ENTREP2: variants seen among roughly 807,000 people sequenced by gnomAD.
The protein encoded by ENTREP2 is endosomal transmembrane epsin interactor 2.
the ENTREP2 span, among the ~76,000 whole-genome samples, chr15:29,644,706 G>A: frequency 2.0e-5 from 3 of 151,870 alleles, no homozygotes; most frequent in Non-Finnish European, 4.4e-5. Flanking sequence ...GGGAAGCTGA[G>A]GTAGGAGAAT....
chr15:29,145,632 A>AC, the ENTREP2 span, among the ~76,000 whole-genome samples: 3 of 150,762 alleles, frequency 2.0e-5, no homozygotes, highest in Non-Finnish European at 4.4e-5. Context: ...CAAAAAAAAA[A>AC]AAAAAAAAAA....
At chr15:29,231,700 C>A in the ENTREP2 span, among the ~76,000 whole-genome samples, 1 of 151,860 alleles carries the variant, frequency 6.6e-6, no homozygotes, top group African/African-American at 2.4e-5. Flanking sequence ...ATTGTTAATA[C>A]CTCTATAATA....
the ENTREP2 span, among the ~76,000 whole-genome samples, chr15:29,568,518 C>T: frequency 3.3e-5 from 5 of 151,146 alleles, no homozygotes; most frequent in African/African-American, 7.3e-5. Context: ...GGCAACATAA[C>T]GAGACCCCAT....
the ENTREP2 span, among the ~76,000 whole-genome samples, chr15:29,336,519 C>T: frequency 6.6e-6 from 1 of 152,130 alleles, no homozygotes; most frequent in African/African-American, 2.4e-5. Flanking sequence ...CTATGTTGCC[C>T]AGGCTGGCCT....
At chr15:29,660,530 G>C in the ENTREP2 span, among the ~76,000 whole-genome samples, 2 of 152,128 alleles carry the variant, frequency 1.3e-5, no homozygotes, top group Admixed American at 1.3e-4. Context: ...GCACAAAATT[G>C]ACTAAGACAT....
At chr15:29,672,494 A>G in the ENTREP2 span, among the ~76,000 whole-genome samples, 1 of 152,206 alleles carries the variant, frequency 6.6e-6, no homozygotes, top group African/African-American at 2.4e-5. Context: ...AAGTCAAATC[A>G]AGTATGGGAA....
At chr15:29,179,432 C>G in the ENTREP2 span, among the ~76,000 whole-genome samples, 1 of 152,172 alleles carries the variant, frequency 6.6e-6, no homozygotes, top group Non-Finnish European at 1.5e-5. Context: ...ATTCCATGGT[C>G]TGAGCAATGG....
chr15:29,620,218 C>T, the ENTREP2 span, among the ~76,000 whole-genome samples: 693 of 152,216 alleles, frequency 4.6e-3, 12 homozygotes, highest in African/African-American at 0.016. Context: ...TTCTCCCTAC[C>T]TCTGGGAAGC....
At chr15:29,302,161 T>C in the ENTREP2 span, among the ~76,000 whole-genome samples, 3 of 152,324 alleles carry the variant, frequency 2.0e-5, no homozygotes, top group East Asian at 5.8e-4. Context: ...AAATATCTGA[T>C]ATGACAGTCG....
At chr15:29,631,287 T>C in the ENTREP2 span, among the ~76,000 whole-genome samples, 3 of 152,230 alleles carry the variant, frequency 2.0e-5, no homozygotes, top group Admixed American at 6.5e-5. Flanking sequence ...CTGTGGCCAT[T>C]CAAGTTATTT....
At chr15:29,218,258 T>C in the ENTREP2 span, among the ~76,000 whole-genome samples, 5 of 152,272 alleles carry the variant, frequency 3.3e-5, no homozygotes, top group African/African-American at 7.2e-5. Context: ...CCAGAAAGCA[T>C]TGGCTGTGGT....
At chr15:29,421,731 C>T in the ENTREP2 span, among the ~76,000 whole-genome samples, 150,848 of 152,310 alleles carry the variant, frequency 0.99, 74,717 homozygotes, top group Middle Eastern at 1. Flanking sequence ...CATTTAACTT[C>T]TTTTAATATA....
the ENTREP2 span, among the ~76,000 whole-genome samples, chr15:29,426,553 C>T: frequency 6.6e-6 from 1 of 152,174 alleles, no homozygotes; most frequent in African/African-American, 2.4e-5. Flanking sequence ...CATCTTGTCT[C>T]ATTCCTCTCA....
At chr15:29,214,776 T>C in the ENTREP2 span, among the ~76,000 whole-genome samples, 1 of 152,210 alleles carries the variant, frequency 6.6e-6, no homozygotes, top group Non-Finnish European at 1.5e-5. Context: ...TTGGAGTTGA[T>C]TTCCAGTTTT....
chr15:29,657,719 G>C, the ENTREP2 span, among the ~76,000 whole-genome samples: 2 of 152,044 alleles, frequency 1.3e-5, no homozygotes, highest in Non-Finnish European at 2.9e-5. Flanking sequence ...AAAAGTTCCT[G>C]ATTGGTGCAT....
At chr15:29,321,446 G>A in the ENTREP2 span, among the ~76,000 whole-genome samples, 4 of 152,024 alleles carry the variant, frequency 2.6e-5, no homozygotes, top group Non-Finnish European at 4.4e-5. Flanking sequence ...TCAGGAGTTC[G>A]AGACCAGCCT....
chr15:29,332,926 T>G, the ENTREP2 span, among the ~76,000 whole-genome samples: 1,025 of 130,112 alleles, frequency 7.9e-3, 22 homozygotes, highest in Admixed American at 0.056. Context: ...GCCATTGCAC[T>G]CCAGCCTGGG....
chr15:29,380,392 CAT>C, the ENTREP2 span, among the ~76,000 whole-genome samples: 4 of 152,194 alleles, frequency 2.6e-5, no homozygotes, highest in East Asian at 7.7e-4. Context: ...ATATTTACTA[CAT>C]GTCATTATCT....
At chr15:29,458,026 CA>C in the ENTREP2 span, among the ~76,000 whole-genome samples, 1 of 152,122 alleles carries the variant, frequency 6.6e-6, no homozygotes, top group Non-Finnish European at 1.5e-5. Context: ...ACACATATAT[CA>C]GAGGAAATTC....
Sources: allele counts gnomAD v4.1 joint callset (sites outside exome capture counted in the v4.1 genomes callset), GRCh38; gene constraint gnomAD v4.1.1; transcripts MANE v1.5; gene names NCBI Gene and HGNC (gene_info 2026-07-23, HGNC 2026-07-21).